The following TMIE variants were observed in gnomAD, a reference collection of about 807,000 sequenced individuals.
TMIE encodes transmembrane inner ear expressed protein.
In TMIE, 14 loss-of-function variants were observed where a neutral mutation model predicts 16.8. The observed-to-expected ratio is 0.83, with a 90% CI of 0.55 to 1.30. TMIE has a LOEUF of 1.30. TMIE is among the 50% of genes most tolerant of loss of function. The probability of loss-of-function intolerance (pLI) is 0.00; values close to 1 mark genes in which losing one functional copy is unlikely to be tolerated. For missense variants in TMIE, 204 were observed against 205.9 expected, an observed-to-expected ratio of 0.99 and a Z score of 0.06; for synonymous variants, 75 against 87.2, an observed-to-expected ratio of 0.86 and a Z score of 0.78.
At position 46,694,802 on chromosome 3, in the gene TMIE, G is replaced by A. The variant is rs184403833; in HGVS notation, c.-67+184G>A. 1.4e-4 allele frequency among the ~76,000 whole-genome samples: 22 copies of A among 152,178 alleles called. No homozygotes were observed. The East Asian group carries it at 4.2e-3, about 29-fold the overall frequency. ...TTTGCCCCACATTGCTCTCCTCCTG[G>A]GTCCCAATCCTGCAGAGCCGCCCCT... On this transcript the variant is annotated intron_variant, in intron 1 of 3. Transcript: ENST00000644830.
Position 46,709,614 on chromosome 3 carries a change from A to G in TMIE, c.397A>G (p.Ser133Gly). 6.2e-7 allele frequency: 1 copy of G among 1,612,866 alleles called. No homozygotes were observed. The highest frequency in any genetic ancestry group is 1.1e-5 in the South Asian group (1 of 91,050). Residue 133 changes from serine to glycine, a missense_variant, in exon 4 of 4, where the codon AGT becomes GGT. Coordinates refer to ENST00000643606, the MANE Select transcript of TMIE (RefSeq NM_147196.3). Reference protein sequence around the residue: ...KKKKKKKKKDSVDTVAIKVEE... With the variant: ...KKKKKKKKKDGVDTVAIKVEE... ...GAAGAAGAAGAAGAAGAAGAAGGAC[A>G]GTGTGGACACAGTGGCCATCAAAGT... is the stretch of plus-strand genomic sequence containing the variant.
At chr3:46,703,661 G>A (rs1288310299) in intron 1 of TMIE, among the ~76,000 whole-genome samples, 1 of 152,192 alleles carries the variant, frequency 6.6e-6, no homozygotes, top group Non-Finnish European at 1.5e-5. Context: ...AGGGAGAAAA[G>A]AGCCTGAGAA....
In TMIE at chr3:46,705,895, G is replaced by A. The variant is rs183344458; in HGVS notation, c.199G>A (p.Val67Met). ...CGTGGTGGGCATCTTTTCGCTCTTCGTGTTGTCCATCAGTGAGTAGCTGTT... is the reference window on the plus strand; with the variant it reads ...CGTGGTGGGCATCTTTTCGCTCTTCATGTTGTCCATCAGTGAGTAGCTGTT... ...WHVVGIFSLF[V>M]LSIIITLCCV... The change falls in exon 2 of 4, where the codon GTG (valine) becomes ATG (methionine). Residue 67 changes from valine to methionine, a missense_variant. Coordinates refer to ENST00000643606, the MANE Select transcript of TMIE (RefSeq NM_147196.3). 40 of 1,614,060 alleles carry A rather than the reference G, an allele frequency of 2.5e-5. No individual in the cohort carries two copies. In the Admixed American group the frequency reaches 2.5e-4, roughly 10 times the overall value.
chr3:46,705,947 G>A, intron 2 of TMIE, 40 bp downstream of exon 2: 2 of 1,590,214 alleles, frequency 1.3e-6, no homozygotes, highest in Non-Finnish European at 1.7e-6. Flanking sequence ...ACACTGCAGT[G>A]GGAACACAGC....
rs1269273971 is a variant in TMIE at position 46,710,319 on chromosome 3, CT to C, written c.*632del. ...ATCAAGCTCAAGGCAATGGGCTACCCTCATTTCACACGTTGTGATGAAGCTG... is the reference window on the plus strand; with the variant it reads ...ATCAAGCTCAAGGCAATGGGCTACCCCATTTCACACGTTGTGATGAAGCTG... On this transcript the variant is annotated 3_prime_UTR_variant, in exon 4 of 4. Coordinates refer to ENST00000643606, the MANE Select transcript of TMIE (RefSeq NM_147196.3). 1 of 165,108 alleles carries C rather than the reference CT, an allele frequency of 6.1e-6. No homozygotes were observed. The highest frequency in any genetic ancestry group is 1.3e-5 in the Non-Finnish European group (1 of 74,752). 10.2% of individuals were successfully genotyped at this position (165,108 alleles called of 1,614,324 possible).
chr3:46,709,882 C>A lies in TMIE; in HGVS notation c.*194C>A. 8.3e-7 allele frequency: 1 copy of A among 1,201,722 alleles called. No homozygotes were observed. Among genetic ancestry groups the A allele is most frequent in the Non-Finnish European group, 1.2e-6 (1 of 865,408 alleles). 74.4% of individuals were successfully genotyped at this position (1,201,722 alleles called of 1,614,324 possible). ...ATCTCGTAGGTGTCCTGCCCCCCAG[C>A]CTAGGCTTGGCTCCTTTCACCCCAT... On this transcript the variant is annotated 3_prime_UTR_variant, in exon 4 of 4. Transcript: ENST00000643606.
chr3:46,706,205 A>G lies in TMIE; in HGVS notation c.211+298A>G, dbSNP rs192815574. Among the ~76,000 whole-genome samples the G allele has an allele frequency of 2.4e-4, 36 of 152,150 alleles. No homozygotes were observed. The East Asian group carries it at 7.0e-3, about 30-fold the overall frequency. On this transcript the variant is annotated intron_variant, in intron 2 of 3. Transcript: ENST00000643606. Reference sequence around the variant, plus strand: ...GGACGAGGACGTGTCATTTTTCCCTATGGCTGGCCTCCTGATGCTTTTCCT... The same window carrying G: ...GGACGAGGACGTGTCATTTTTCCCTGTGGCTGGCCTCCTGATGCTTTTCCT...
At chr3:46,704,426 G>A (rs1201188871) in intron 1 of TMIE, among the ~76,000 whole-genome samples, 1 of 88,288 alleles carries the variant, frequency 1.1e-5, no homozygotes, top group Non-Finnish European at 2.2e-5. Flanking sequence ...GGACCATGTC[G>A]CCTAGACACC....
chr3:46,702,725 G>T (rs369050275), intron 1 of TMIE, among the ~76,000 whole-genome samples: 68 of 152,242 alleles, frequency 4.5e-4, no homozygotes, highest in African/African-American at 9.2e-4. Flanking sequence ...TGAACTGGAG[G>T]GTTTGATGGG....
At chr3:46,700,055 C>T (rs1021984043), upstream of TMIE, among the ~76,000 whole-genome samples, 2 of 152,244 alleles carry the variant, frequency 1.3e-5, no homozygotes, top group Admixed American at 6.5e-5. Context: ...TGGCCTGTGA[C>T]CAGCAGCATG....
At chr3:46,705,321 G>T (rs111384750) in intron 1 of TMIE, among the ~76,000 whole-genome samples, 1 of 152,180 alleles carries the variant, frequency 6.6e-6, no homozygotes, top group African/African-American at 2.4e-5. Context: ...AGGGGTCCAG[G>T]CCAGCTGGCA....
chr3:46,695,313 G>A (rs1379623175), intron 1 of TMIE, among the ~76,000 whole-genome samples: 4 of 152,266 alleles, frequency 2.6e-5, no homozygotes, highest in African/African-American at 9.6e-5. Flanking sequence ...GGAAGAGCTG[G>A]TATGGGGCCT....
chr3:46,704,523 G>C (rs542041265), intron 1 of TMIE, among the ~76,000 whole-genome samples: 1 of 145,928 alleles, frequency 6.9e-6, no homozygotes, highest in Admixed American at 6.8e-5. Flanking sequence ...AGACGCCCAG[G>C]GCAGGACCGT....
chr3:46,700,053 G>A (rs1012299774), upstream of TMIE, among the ~76,000 whole-genome samples: 7 of 152,252 alleles, frequency 4.6e-5, no homozygotes, highest in Non-Finnish European at 7.3e-5. Context: ...CCTGGCCTGT[G>A]ACCAGCAGCA....
rs1241782582 is a variant in TMIE, at chr3:46,709,670, G to A, written c.453G>A (p.Lys151=). 6.2e-7 allele frequency: 1 copy of A among 1,614,082 alleles called. No homozygotes were observed. The highest frequency in any genetic ancestry group is 1.1e-5 in the South Asian group (1 of 91,076). ...VEEDEKNEAK[K]KKGEK ...AGGATGAGAAGAATGAGGCCAAGAA[G>A]AAGAAAGGAGAGAAATGAAGACATC... The change falls in exon 4 of 4, where the codon AAG becomes AAA. Residue 151 remains lysine (K), a synonymous_variant. Transcript: ENST00000643606.
upstream of TMIE, among the ~76,000 whole-genome samples, chr3:46,699,305 G>T (rs190690094): frequency 6.6e-6 from 1 of 151,934 alleles, no homozygotes; most frequent in Non-Finnish European, 1.5e-5. Flanking sequence ...TCCTGACCTC[G>T]GGTGATCTGC....
upstream of TMIE, among the ~76,000 whole-genome samples, chr3:46,694,360 ACCC>A (rs35763779): frequency 6.6e-6 from 1 of 151,424 alleles, no homozygotes; most frequent in African/African-American, 2.4e-5. Context: ...TCTGGGACAG[ACCC>A]CCCGGGAGCG....
chr3:46,698,095 C>T (rs974583738), upstream of TMIE, among the ~76,000 whole-genome samples: 3 of 151,894 alleles, frequency 2.0e-5, no homozygotes, highest in African/African-American at 7.3e-5. Flanking sequence ...TTGCTTTCGC[C>T]CAGGCTGGAG....
upstream of TMIE, chr3:46,701,189 C>T (rs1455201317): frequency 8.6e-6 from 3 of 348,962 alleles, no homozygotes; most frequent in African/African-American, 6.4e-5. This position sits in a 1 kb window ranked among gnomAD's most constrained non-coding sequence, Gnocchi z 4.3. Flanking sequence ...GATTAGGGAC[C>T]TGGCCCCAGC....
Sources: gnomAD v4.1 joint callset for allele counts (sites outside exome capture counted in the v4.1 genomes callset) on GRCh38, gnomAD v4.1.1 for gene constraint, Gnocchi (gnomAD v3.1) non-coding constraint, MANE v1.5 for transcripts, NCBI Gene and HGNC (gene_info 2026-07-23, HGNC 2026-07-21) for gene names.